Variants in USP36 observed in about 807,000 individuals in gnomAD.
USP36 encodes ubiquitin carboxyl-terminal hydrolase 36.
Under a neutral mutation model 111.5 loss-of-function variants are expected in USP36, and 59 were observed. The observed-to-expected ratio is 0.53, with a 90% CI of 0.43 to 0.66. The LOEUF (loss-of-function observed/expected upper bound fraction) is 0.66, where lower values mean the gene tolerates loss of function less well. Ranked by LOEUF, USP36 falls within the 30% of genes least tolerant of loss-of-function variation. The probability of loss-of-function intolerance (pLI) is 0.00; values close to 1 mark genes in which losing one functional copy is unlikely to be tolerated. For missense variants in USP36, 1,488 were observed against 1,468.0 expected (o/e 1.01, Z -0.22); for synonymous variants, 628 against 581.0 (o/e 1.08, Z -1.16).
At chr17:78,789,940 T>A (rs1010994912) in intron 3 of USP36, among the ~76,000 whole-genome samples, 1 of 152,260 alleles carries the variant, frequency 6.6e-6, no homozygotes, top group African/African-American at 2.4e-5. Flanking sequence ...GGCTGTTTTC[T>A]GAGCAGGGTC....
chr17:78,803,416 C>T lies in USP36; in HGVS notation c.2779G>A (p.Gly927Ser). ...RKGAEGLGEE[G>S]GLHQDPLRHS... is the part of the protein sequence containing the mutation. Reference sequence around the variant, plus strand: ...CGAAGTGGGTCCTGGTGCAGGCCGCCTTCTTCACCAAGACCTTCTGCTCCT... The same window carrying T: ...CGAAGTGGGTCCTGGTGCAGGCCGCTTTCTTCACCAAGACCTTCTGCTCCT... The change falls in exon 16 of 21, where the codon GGC (glycine) becomes AGC (serine). Residue 927 changes from glycine (G) to serine (S), a missense_variant. Transcript: ENST00000449938. This position sits in a 1 kb window ranked among gnomAD's most constrained non-coding sequence, Gnocchi z 4.6. 1.9e-6 allele frequency: 3 copies of T among 1,614,054 alleles called. No homozygotes were observed. Among genetic ancestry groups the T allele is most frequent in the Non-Finnish European group, 2.5e-6 (3 of 1,179,976 alleles).
rs576116634 is a variant in USP36 at position 78,811,361 on chromosome 17, G to A, written c.1407+1499C>T. Among the ~76,000 whole-genome samples the A allele has an allele frequency of 9.2e-5, 14 of 152,228 alleles. No individual in the cohort carries two copies. The South Asian group carries it at 2.9e-3, about 32-fold the overall frequency. The stretch of plus-strand genomic sequence containing the variant: ...TATCATCCTCTCTCTGTATGTATAT[G>A]TACGTGTGTATATATGTATGACTAT... On this transcript the variant is annotated intron_variant, in intron 13 of 20. Coordinates refer to ENST00000449938, the MANE Select transcript of USP36 (RefSeq NM_001385174.1).
At chr17:78,809,333 C>T (rs1172005394) in intron 13 of USP36, among the ~76,000 whole-genome samples, 1 of 152,112 alleles carries the variant, frequency 6.6e-6, no homozygotes, top group Admixed American at 6.6e-5. Flanking sequence ...TGTTTTGTTC[C>T]CTACATTCTA....
At chr17:78,789,003 G>A (rs2093559086) in intron 3 of USP36, among the ~76,000 whole-genome samples, 1 of 150,564 alleles carries the variant, frequency 6.6e-6, no homozygotes, top group Non-Finnish European at 1.5e-5. Flanking sequence ...TTCGAGACCA[G>A]CCTGGCCTAT....
At chr17:78,815,760 T>C (rs946197624) in intron 10 of USP36, among the ~76,000 whole-genome samples, 3 of 152,190 alleles carry the variant, frequency 2.0e-5, no homozygotes, top group South Asian at 2.1e-4. Flanking sequence ...TATGCATACA[T>C]GCACGCATAA....
At position 78,803,706 on chromosome 17, in the gene USP36, G is replaced by T. The variant is rs1259086470; in HGVS notation, c.2489C>A (p.Pro830Gln). The change falls in exon 16 of 21, where the codon CCA (proline) becomes CAA (glutamine). Residue 830 changes from proline to glutamine, a missense_variant. Pro to Gln is a moderately conservative substitution (Grantham distance 76, BLOSUM62 -1). Coordinates refer to ENST00000449938, the MANE Select transcript of USP36 (RefSeq NM_001385174.1). The surrounding 1 kb of genome is among the most constrained non-coding windows in gnomAD (Gnocchi z 4.6). The part of the protein sequence containing the change: ...PQRLGSETRL[P>Q]QHIREATAAP... The stretch of plus-strand genomic sequence containing the variant: ...CGCAGTGGCCTCCCTGATGTGCTGT[G>T]GGAGGCGCGTCTCTGAGCCCAGCCT... The T allele has an allele frequency of 1.9e-6, 3 of 1,611,914 alleles. No homozygotes were observed. The highest frequency in any genetic ancestry group is 2.5e-6 in the Non-Finnish European group (3 of 1,179,904).
chr17:78,837,794 C>T (rs2068822358), intron 2 of USP36, among the ~76,000 whole-genome samples: 1 of 152,232 alleles, frequency 6.6e-6, no homozygotes, highest in Non-Finnish European at 1.5e-5. Context: ...ATCAACAAGT[C>T]AAGTGTGCCC....
At chr17:78,795,110 C>T (rs1426397701), downstream of USP36, among the ~76,000 whole-genome samples, 2 of 152,138 alleles carry the variant, frequency 1.3e-5, no homozygotes, top group Non-Finnish European at 2.9e-5. This position sits in a 1 kb window ranked among gnomAD's most constrained non-coding sequence, Gnocchi z 4.5. Context: ...CTCAGAACCC[C>T]CTCAACCGCT....
intron 17 of USP36, 135 bp from the exon 18 acceptor site, chr17:78,799,903 TTTA>T (rs2093698762): frequency 1.4e-5 from 8 of 574,896 alleles, no homozygotes; most frequent in Non-Finnish European, 1.9e-5. Flanking sequence ...TTTTTTTTTT[TTTA>T]AAGACAGGGT....
Position 78,807,328 on chromosome 17 carries a change from C to G in USP36, c.1716G>C (p.Trp572Cys). 1 of 1,614,204 alleles carries G rather than the reference C, an allele frequency of 6.2e-7. No homozygotes were observed. Residue 572 changes from tryptophan to cysteine, a missense_variant, in exon 14 of 21, where the codon TGG (tryptophan) becomes TGC (cysteine). Transcript: ENST00000449938. ...TAGAGAGGACAACATCCCTGCTGTC[C>G]CAGGAGCCCTGCCTTTGGCTCCCAG... ...SRSGSQRQGS[W>C]DSRDVVLSTS...
In USP36 at chr17:78,798,312, A is replaced by G; in HGVS notation, c.*20+88T>C. ...GATACACAGCCCACATACATCATAC[A>G]CACACGCCACACCCCACCACACCCC... On this transcript the variant is annotated intron_variant, in intron 20 of 20. Coordinates refer to ENST00000449938, the MANE Select transcript of USP36 (RefSeq NM_001385174.1). The surrounding 1 kb of genome is among the most constrained non-coding windows in gnomAD (Gnocchi z 5.1). 6.6e-7 allele frequency: 1 copy of G among 1,525,600 alleles called. No homozygotes were observed. Among genetic ancestry groups the G allele is most frequent in the South Asian group, 1.2e-5 (1 of 83,706 alleles). The allele number at this position is 1,525,600 out of a possible 1,614,324, so 94.5% of individuals were successfully genotyped here.
At chr17:78,821,403 TATATATATATATA>T (rs2094319562) in intron 7 of USP36, 1 of 57,838 alleles carries the variant, frequency 1.7e-5, no homozygotes, top group African/African-American at 9.0e-5. Flanking sequence ...TATATATATA[TATATATATATATA>T]TATATTTTTT....
intron 13 of USP36, among the ~76,000 whole-genome samples, chr17:78,811,570 C>T (rs767795884): frequency 6.6e-6 from 1 of 152,054 alleles, no homozygotes; most frequent in Non-Finnish European, 1.5e-5. Context: ...CACATTTTCC[C>T]CGTTAAATGT....
intron 4 of USP36, among the ~76,000 whole-genome samples, chr17:78,831,030 T>C (rs1284275723): frequency 1.3e-5 from 2 of 150,976 alleles, no homozygotes; most frequent in Admixed American, 1.3e-4. Context: ...GTTGAGACCA[T>C]CCTGGCTTAC....
chr17:78,836,003 CTT>C, intron 3 of USP36, 106 bp downstream of exon 3: 2 of 1,493,496 alleles, frequency 1.3e-6, no homozygotes, highest in Non-Finnish European at 1.8e-6. Context: ...ATTCATAACT[CTT>C]TGACCACATT....
chr17:78,815,795 C>T (rs115036891), intron 10 of USP36, among the ~76,000 whole-genome samples: 1 of 152,024 alleles, frequency 6.6e-6, no homozygotes, highest in Non-Finnish European at 1.5e-5. Flanking sequence ...TATATACATA[C>T]ATGCATACAT....
rs10527657 is a variant in USP36 at position 78,834,997 on chromosome 17, G to GTATATATATATA, written c.475+271_475+282dup. Among the ~76,000 whole-genome samples, 582 of 141,408 alleles carry GTATATATATATA rather than the reference G, an allele frequency of 4.1e-3. 6 individuals carry two copies. Among genetic ancestry groups the GTATATATATATA allele is most frequent in the African/African-American group, 0.015 (540 of 35,830 alleles). 92.8% of individuals were successfully genotyped at this position (141,408 alleles called of 152,430 possible). On this transcript the variant is annotated intron_variant, in intron 4 of 20. Coordinates refer to ENST00000449938, the MANE Select transcript of USP36 (RefSeq NM_001385174.1). ...TACTGTCTCTAAAAAAATAATATTT[G>GTATATATATATA]TATATATATATATATATATATTTTG...
Position 78,817,724 on chromosome 17 carries a change from C to A in USP36, c.1023+943G>T, listed in dbSNP as rs374675452. Among the ~76,000 whole-genome samples, 6 of 145,956 alleles carry A rather than the reference C, an allele frequency of 4.1e-5. No homozygotes were observed. The East Asian group carries it at 9.9e-4, about 24-fold the overall frequency. ...CTGCAATCCAGCCTGGGCATCAGAGCAAGACTCTGTCTCAAAAAAAAAAAA... is the reference window on the plus strand; with the variant it reads ...CTGCAATCCAGCCTGGGCATCAGAGAAAGACTCTGTCTCAAAAAAAAAAAA... On this transcript the variant is annotated intron_variant, in intron 10 of 20. Coordinates refer to ENST00000449938, the MANE Select transcript of USP36 (RefSeq NM_001385174.1).
intron 17 of USP36, 119 bp from the exon 18 acceptor site, chr17:78,799,887 T>TTTC (rs1186123670): frequency 1.7e-6 from 1 of 598,554 alleles, no homozygotes; most frequent in Non-Finnish European, 2.5e-6. Context: ...CTTTTTTTTT[T>TTTC]TTTTTTTTTT....
Sources: gnomAD v4.1 joint callset for allele counts (sites outside exome capture counted in the v4.1 genomes callset) on GRCh38, gnomAD v4.1.1 for gene constraint, Gnocchi (gnomAD v3.1) non-coding constraint, MANE v1.5 for transcripts, NCBI Gene and HGNC (gene_info 2026-07-23, HGNC 2026-07-21) for gene names.